LPP: variants seen among roughly 807,000 people sequenced by gnomAD.
LPP encodes lipoma-preferred partner.
Under a neutral mutation model 60.4 loss-of-function variants are expected in LPP, and 38 were observed. The ratio of observed to expected loss-of-function variants is 0.63; its 90% CI spans 0.49 to 0.83. LPP has a LOEUF of 0.83. Among genes scored for constraint, LPP ranks in the 40% least tolerant of loss-of-function variants. LPP has a pLI of 0.00. For missense variants in LPP, 902 were observed against 783.6 expected (o/e 1.15, Z -1.80); for synonymous variants, 328 against 290.8 (o/e 1.13, Z -1.30).
chr3:188,376,381 G>C (rs1269705556), intron 3 of LPP, among the ~76,000 whole-genome samples: 3 of 152,176 alleles, frequency 2.0e-5, no homozygotes, highest in African/African-American at 4.8e-5. Flanking sequence ...TTATGAATCT[G>C]GGTGCTCCTA....
intron 6 of LPP, among the ~76,000 whole-genome samples, chr3:188,570,731 G>A (rs1833353996): frequency 6.6e-6 from 1 of 151,644 alleles, no homozygotes; most frequent in African/African-American, 2.4e-5. Context: ...CTGTGTGCTA[G>A]CTAGTAGGAT....
rs761170839 is a variant in LPP, at chr3:188,609,417, A to G, written c.686A>G (p.Gln229Arg). 8.1e-6 allele frequency: 13 copies of G among 1,614,158 alleles called. No homozygotes were observed. Among genetic ancestry groups the G allele is most frequent in the Non-Finnish European group, 9.3e-6 (11 of 1,180,012 alleles). Residue 229 changes from glutamine (Q) to arginine (R), a missense_variant, in exon 7 of 12, where the codon CAG becomes CGG. Gln to Arg is a conservative substitution (Grantham distance 43). Coordinates refer to ENST00000617246, the MANE Select transcript of LPP (RefSeq NM_001375462.1). The surrounding 1 kb of genome is among the most constrained non-coding windows in gnomAD (Gnocchi z 6.9). ...PTFNVQVKSA[Q>R]PSPHYMAAPS... The stretch of plus-strand genomic sequence containing the variant: ...TTTAATGTGCAGGTGAAGTCAGCCC[A>G]GCCCAGCCCTCATTATATGGCTGCC...
chr3:188,291,722 C>T (rs868049752), intron 2 of LPP, among the ~76,000 whole-genome samples: 5 of 150,160 alleles, frequency 3.3e-5, no homozygotes, highest in South Asian at 2.1e-4. Flanking sequence ...GCTTTCAAAA[C>T]ACTTAAGTAC....
intron 7 of LPP, among the ~76,000 whole-genome samples, chr3:188,613,224 A>C (rs1844072703): frequency 6.7e-6 from 1 of 149,432 alleles, no homozygotes; most frequent in Non-Finnish European, 1.5e-5. Context: ...AGTTCACAGA[A>C]CTCGTGTCCT....
At chr3:188,636,850 G>C (rs60544217) in intron 7 of LPP, among the ~76,000 whole-genome samples, 2,905 of 150,214 alleles carry the variant, frequency 0.019, 105 homozygotes, top group African/African-American at 0.069. Flanking sequence ...TGAGGGTCCT[G>C]TCTGTTAGAA....
rs549826615 is a variant in LPP, at chr3:188,406,359, C to T, written c.193+46C>T. On this transcript the variant is annotated intron_variant, in intron 4 of 11. Transcript: ENST00000617246. ...GTTGGTTACTTGGAGTAGGAAAATT[C>T]AGTTATATAGGTGATTTGTAGTACA... The T allele has an allele frequency of 2.0e-4, 306 of 1,525,186 alleles. 4 individuals are homozygous for T. The South Asian group carries it at 3.3e-3, about 16-fold the overall frequency. 94.5% of individuals were successfully genotyped at this position (1,525,186 alleles called of 1,614,324 possible). A position where few individuals can be genotyped will look rare whatever the true frequency, so the allele number is the denominator to read the frequency against.
At chr3:188,429,669 C>G (rs1049454929) in intron 4 of LPP, among the ~76,000 whole-genome samples, 10 of 152,140 alleles carry the variant, frequency 6.6e-5, no homozygotes, top group African/African-American at 2.4e-4. Context: ...CCCGTCTTCC[C>G]TTTCATAATA....
chr3:188,471,970 T>C (rs1195245159), intron 4 of LPP, among the ~76,000 whole-genome samples: 2 of 152,186 alleles, frequency 1.3e-5, no homozygotes. Context: ...TACTAGGATC[T>C]GAAATCCTTA....
intron 8 of LPP, among the ~76,000 whole-genome samples, chr3:188,758,022 C>T (rs2150438348): frequency 6.7e-6 from 1 of 149,572 alleles, no homozygotes; most frequent in Non-Finnish European, 1.5e-5. Context: ...TGGATAAAAA[C>T]TTTTGAAGTC....
intron 2 of LPP, among the ~76,000 whole-genome samples, chr3:188,288,110 T>C (rs991805225): frequency 2.6e-5 from 4 of 152,224 alleles, no homozygotes; most frequent in African/African-American, 9.6e-5. Context: ...TTTATTTTTA[T>C]TTTGAAAAAC....
At chr3:188,492,708 C>A (rs1178158797) in intron 5 of LPP, among the ~76,000 whole-genome samples, 1 of 152,018 alleles carries the variant, frequency 6.6e-6, no homozygotes, top group Admixed American at 6.6e-5. Flanking sequence ...AAGAAACAAA[C>A]AAACAAAAAC....
chr3:188,209,444 G>A (rs1291163166), intron 1 of LPP, among the ~76,000 whole-genome samples: 1 of 152,166 alleles, frequency 6.6e-6, no homozygotes, highest in Non-Finnish European at 1.5e-5. Flanking sequence ...AAAGACACAG[G>A]TTCAGAATGG....
At chr3:188,828,884 G>A (rs1213336987) in intron 9 of LPP, among the ~76,000 whole-genome samples, 1 of 152,022 alleles carries the variant, frequency 6.6e-6, no homozygotes, top group Non-Finnish European at 1.5e-5. Context: ...TATTATGTAT[G>A]TAATATATAG....
At chr3:188,226,529 T>A (rs185105828) in intron 2 of LPP, among the ~76,000 whole-genome samples, 58 of 152,266 alleles carry the variant, frequency 3.8e-4, no homozygotes, top group Middle Eastern at 3.4e-3. Context: ...AACATTATGT[T>A]CTAAAAAATC....
At chr3:188,779,611 G>A (rs1045707084) in intron 9 of LPP, among the ~76,000 whole-genome samples, 3 of 151,434 alleles carry the variant, frequency 2.0e-5, no homozygotes, top group Non-Finnish European at 4.4e-5. Context: ...AGTTTGCAAA[G>A]TGATTTTGCA....
At chr3:188,350,238 C>T (rs749066227) in intron 3 of LPP, among the ~76,000 whole-genome samples, 10 of 152,120 alleles carry the variant, frequency 6.6e-5, no homozygotes, top group South Asian at 2.1e-4. Flanking sequence ...TGATTCAGGG[C>T]CAGTCAAGAC....
At chr3:188,540,242 A>G (rs761889407) in intron 6 of LPP, among the ~76,000 whole-genome samples, 32 of 152,128 alleles carry the variant, frequency 2.1e-4, no homozygotes, top group Non-Finnish European at 2.9e-4. Flanking sequence ...TGCCCATTCT[A>G]TCTTTGAGTT....
chr3:188,529,258 A>T (rs1821500100), intron 6 of LPP, among the ~76,000 whole-genome samples: 1 of 152,228 alleles, frequency 6.6e-6, no homozygotes, highest in African/African-American at 2.4e-5. Flanking sequence ...TTGTGTTATA[A>T]TTGAAAGGTA....
At chr3:188,177,932 T>G (rs1376403994) in intron 1 of LPP, among the ~76,000 whole-genome samples, 1 of 152,196 alleles carries the variant, frequency 6.6e-6, no homozygotes, top group Non-Finnish European at 1.5e-5. Flanking sequence ...AAGTGTGTCA[T>G]GTTCAAGATG....
Sources: allele counts gnomAD v4.1 joint callset (sites outside exome capture counted in the v4.1 genomes callset), GRCh38; gene constraint gnomAD v4.1.1; non-coding constraint Gnocchi (gnomAD v3.1); transcripts MANE v1.5; gene names NCBI Gene and HGNC (gene_info 2026-07-23, HGNC 2026-07-21).